Variants in SLIT3 observed in about 807,000 individuals in gnomAD.
The protein encoded by SLIT3 is slit homolog 3 protein.
A neutral mutation model predicts 184.0 loss-of-function variants in SLIT3; 68 were observed. The observed-to-expected ratio is 0.37, with a 90% CI of 0.30 to 0.45. The LOEUF (loss-of-function observed/expected upper bound fraction) is 0.45, where lower values mean the gene tolerates loss of function less well. Among genes scored for constraint, SLIT3 ranks in the 20% least tolerant of loss-of-function variants. SLIT3 has a pLI of 1.00. For synonymous variants in SLIT3, 831 were observed against 828.6 expected (o/e 1.00, Z -0.05); for missense variants, 1,707 against 2,026.0 (o/e 0.84, Z 3.02).
chr5:169,112,640 C>CT (rs1219443869), intron 4 of SLIT3, among the ~76,000 whole-genome samples: 3 of 136,312 alleles, frequency 2.2e-5, no homozygotes, highest in African/African-American at 3.2e-5. Flanking sequence ...GCTCTTCACC[C>CT]TCTACCCTTC....
chr5:169,257,368 C>T (rs1388620191), intron 1 of SLIT3, among the ~76,000 whole-genome samples: 1 of 145,856 alleles, frequency 6.9e-6, no homozygotes, highest in Non-Finnish European at 1.5e-5. Flanking sequence ...CACAGCCCCC[C>T]ACCCCAACCT....
intron 1 of SLIT3, among the ~76,000 whole-genome samples, chr5:169,257,743 T>C (rs1561770952): frequency 1.3e-5 from 2 of 151,788 alleles, no homozygotes; most frequent in South Asian, 4.2e-4. Flanking sequence ...TTAGTAGAGA[T>C]GGGGTTTCAC....
chr5:168,919,193 G>C (rs2113116529), intron 4 of SLIT3, among the ~76,000 whole-genome samples: 1 of 151,280 alleles, frequency 6.6e-6, no homozygotes, highest in East Asian at 1.9e-4. Context: ...CCGGGAGGCG[G>C]AGGTTGCAGT....
At chr5:168,848,772 G>C (rs1384872153) in intron 5 of SLIT3, among the ~76,000 whole-genome samples, 1 of 152,086 alleles carries the variant, frequency 6.6e-6, no homozygotes, top group Admixed American at 6.6e-5. Flanking sequence ...CGTGAGTGAG[G>C]ACTTAAAATA....
intron 4 of SLIT3, among the ~76,000 whole-genome samples, chr5:169,142,151 C>T (rs779631575): frequency 4.0e-5 from 6 of 151,892 alleles, no homozygotes; most frequent in Non-Finnish European, 8.8e-5. Flanking sequence ...CATAATTCCA[C>T]GGTGATTTCC....
At chr5:169,204,655 C>G (rs297859) in intron 3 of SLIT3, among the ~76,000 whole-genome samples, 4,668 of 152,188 alleles carry the variant, frequency 0.031, 249 homozygotes, top group African/African-American at 0.11. Context: ...CCTGTGGCAA[C>G]AGCGGGAAGG....
chr5:168,753,176 G>T (rs1189245352), intron 17 of SLIT3, 78 bp from the exon 18 acceptor site: 1 of 1,467,554 alleles, frequency 6.8e-7, no homozygotes, highest in African/African-American at 1.4e-5. Flanking sequence ...TGGTGTGTGT[G>T]TGTGTATAGG....
At chr5:168,718,962 C>T (rs1426998729) in intron 23 of SLIT3, among the ~76,000 whole-genome samples, 1 of 152,242 alleles carries the variant, frequency 6.6e-6, no homozygotes, top group Non-Finnish European at 1.5e-5. Context: ...AATGCAGTTG[C>T]AGATAATGTA....
At chr5:168,776,128 G>A (rs1755738750) in intron 12 of SLIT3, among the ~76,000 whole-genome samples, 1 of 152,218 alleles carries the variant, frequency 6.6e-6, no homozygotes, top group South Asian at 2.1e-4. Flanking sequence ...GGGCTGGCCT[G>A]CCTCAGGAGT....
chr5:168,816,335 C>T (rs374916119), intron 8 of SLIT3, among the ~76,000 whole-genome samples: 20 of 152,070 alleles, frequency 1.3e-4, no homozygotes, highest in South Asian at 2.1e-4. Flanking sequence ...TACAGGTGCC[C>T]GCCACCACGT....
chr5:169,207,045 C>CT (rs560234312), intron 3 of SLIT3, among the ~76,000 whole-genome samples: 30,616 of 140,672 alleles, frequency 0.22, 3,847 homozygotes, highest in East Asian at 0.62. Context: ...TTTCCTTATT[C>CT]TTTTTTTTTT....
intron 4 of SLIT3, among the ~76,000 whole-genome samples, chr5:169,091,247 C>T (rs17555501): frequency 0.022 from 3,340 of 152,216 alleles, 44 homozygotes; most frequent in Non-Finnish European, 0.034. Flanking sequence ...AGACTCTACA[C>T]GGCATATCTT....
At position 168,708,088 on chromosome 5, in the gene SLIT3, A is replaced by G. The variant is rs1326962081; in HGVS notation, c.2732T>C (p.Ile911Thr). The change falls in exon 26 of 36, where the codon ATC becomes ACC. Residue 911 changes from isoleucine to threonine, a missense_variant. Around this residue, in one of 3 missense-constraint regions of SLIT3, gnomAD observed 1,307 missense variants for 1,511.6 expected, o/e 0.86. Transcript: ENST00000519560. Reference sequence around the variant, plus strand: ...GGCATTGCATTTGGCCACAATGTTGATGTCCACTGGCCCTGGGCAGCAAAA... The same window carrying G: ...GGCATTGCATTTGGCCACAATGTTGGTGTCCACTGGCCCTGGGCAGCAAAA... ...HRFQCKGPVD[I>T]NIVAKCNACL... The G allele has an allele frequency of 1.2e-6, 2 of 1,614,132 alleles. No homozygotes were observed. Among genetic ancestry groups the G allele is most frequent in the East Asian group, 2.2e-5 (1 of 44,870 alleles).
intron 4 of SLIT3, among the ~76,000 whole-genome samples, chr5:169,154,549 G>A (rs1762235952): frequency 6.6e-6 from 1 of 152,240 alleles, no homozygotes; most frequent in South Asian, 2.1e-4. Context: ...TGAGTTAACA[G>A]CATAGGCTCT....
Position 168,666,629 on chromosome 5 carries a change from G to A in SLIT3, c.4397C>T (p.Ser1466Leu). 1 of 1,614,214 alleles carries A rather than the reference G, an allele frequency of 6.2e-7. No homozygotes were observed. Among genetic ancestry groups the A allele is most frequent in the Non-Finnish European group, 8.5e-7 (1 of 1,180,046 alleles). ...GGGCACCTTGGAGGCTGTGGCACAT[G>A]ATGCATAACCTTTCTGGCGGCGGAT... ...EVIRRQKGYA[S>L]CATASKVPIM... The change falls in exon 36 of 36, where the codon TCA (serine) becomes TTA (leucine). Residue 1466 changes from serine to leucine, a missense_variant. Ser to Leu is a moderately radical substitution (Grantham distance 145, BLOSUM62 -2). Coordinates refer to ENST00000519560, the MANE Select transcript of SLIT3 (RefSeq NM_003062.4).
intron 29 of SLIT3, among the ~76,000 whole-genome samples, chr5:168,690,467 T>C (rs1761872226): frequency 6.6e-6 from 1 of 152,186 alleles, no homozygotes; most frequent in Admixed American, 6.5e-5. Flanking sequence ...TCCCTGCCCC[T>C]TCCCGGGCAT....
intron 4 of SLIT3, among the ~76,000 whole-genome samples, chr5:169,074,100 G>A (rs1758650557): frequency 6.6e-6 from 1 of 152,152 alleles, no homozygotes; most frequent in African/African-American, 2.4e-5. Context: ...TAAGTTCTGG[G>A]GCAGTGGTGG....
At position 168,750,738 on chromosome 5, in the gene SLIT3, C is replaced by T. The variant is rs572741416; in HGVS notation, c.1974-1103G>A. On this transcript the variant is annotated intron_variant, in intron 18 of 35. Coordinates refer to ENST00000519560, the MANE Select transcript of SLIT3 (RefSeq NM_003062.4). ...ATTGTCCTCTCCTGTTGACATCACT[C>T]GTTCATTCGATTCATTCCTTTACTC... is the stretch of plus-strand genomic sequence containing the variant. 3.3e-5 allele frequency among the ~76,000 whole-genome samples: 5 copies of T among 152,024 alleles called. No homozygotes were observed. The South Asian group carries it at 1.0e-3, about 32-fold the overall frequency.
At chr5:168,885,380 G>T (rs1760154495) in intron 4 of SLIT3, among the ~76,000 whole-genome samples, 2 of 152,238 alleles carry the variant, frequency 1.3e-5, no homozygotes, top group African/African-American at 4.8e-5. Flanking sequence ...CAGGGCTCCA[G>T]CCTGGAGTCG....
Sources: allele counts gnomAD v4.1 joint callset (sites outside exome capture counted in the v4.1 genomes callset), GRCh38; gene constraint gnomAD v4.1.1; regional missense constraint gnomAD v4.1.1; transcripts MANE v1.5; gene names NCBI Gene and HGNC (gene_info 2026-07-23, HGNC 2026-07-21).